MYH6: variants seen among roughly 807,000 people sequenced by gnomAD.
The protein encoded by MYH6 is myosin heavy chain 6.
Under a neutral mutation model 223.2 loss-of-function variants are expected in MYH6, and 126 were observed. The observed-to-expected ratio is 0.56, with a 90% CI of 0.49 to 0.65. MYH6 has a LOEUF of 0.65. Ranked by LOEUF, MYH6 falls within the 30% of genes least tolerant of loss-of-function variation. The pLI, the probability that MYH6 is intolerant of heterozygous loss-of-function variation, is 0.00. For synonymous variants in MYH6, 978 were observed against 1,010.2 expected (o/e 0.97, Z 0.61); for missense variants, 2,040 against 2,536.4 (o/e 0.80, Z 4.20).
At chr14:23,388,835 G>A in intron 29 of MYH6, 24 bp downstream of exon 29, 1 of 1,613,918 alleles carries the variant, frequency 6.2e-7, no homozygotes, top group Non-Finnish European at 8.5e-7. Flanking sequence ...TGAGAGTCAG[G>A]TTAAGGGGGT....
At chr14:23,388,674 T>C (rs1430304873) in intron 29 of MYH6, 185 bp downstream of exon 29, 4 of 1,013,092 alleles carry the variant, frequency 3.9e-6, no homozygotes, top group Non-Finnish European at 6.3e-6. Context: ...TCACAGGAAG[T>C]GGGTCAGGGC....
intron 15 of MYH6, among the ~76,000 whole-genome samples, chr14:23,397,961 C>G (rs547103332): frequency 8.3e-6 from 1 of 120,888 alleles, no homozygotes; most frequent in Non-Finnish European, 1.7e-5. Flanking sequence ...TCTTCTTCTT[C>G]TTCTTCTTCT....
intron 35 of MYH6, 31 bp from the exon 36 acceptor site, chr14:23,384,748 T>C: frequency 5.6e-6 from 9 of 1,614,214 alleles, no homozygotes; most frequent in Non-Finnish European, 7.6e-6. Flanking sequence ...GCAAGGAACA[T>C]GGGCCAGGGG....
chr14:23,405,242 G>A lies in MYH6; in HGVS notation c.483C>T (p.Ala161=), dbSNP rs751439551. Reference sequence around the variant, plus strand: ...GCTCACCTGTCAGCATGTACTGATAGGCGTTGTCGGAGATGGAGAAGATGT... The same window carrying A: ...GCTCACCTGTCAGCATGTACTGATAAGCGTTGTCGGAGATGGAGAAGATGT... ...PPHIFSISDN[A]YQYMLTDREN... The change falls in exon 5 of 39, where the codon GCC becomes GCT. Residue 161 remains alanine, a synonymous_variant. Coordinates refer to ENST00000405093, the MANE Select transcript of MYH6 (RefSeq NM_002471.4). The surrounding 1 kb of genome is among the most constrained non-coding windows in gnomAD (Gnocchi z 4.7). 3 of 1,614,182 alleles carry A rather than the reference G, an allele frequency of 1.9e-6. No homozygotes were observed. Among genetic ancestry groups the A allele is most frequent in the Non-Finnish European group, 2.5e-6 (3 of 1,180,048 alleles).
rs1247030438 is a variant in MYH6, at chr14:23,397,910, T to TCTCCTCCTCCTCCTCCTCCTCCTC, written c.1892-321_1892-298dup. On this transcript the variant is annotated intron_variant, in intron 15 of 38. Transcript: ENST00000405093. Reference sequence around the variant, plus strand: ...TTCTTATATCTTTCCACATTCTAGTTCTCCTCCTCCTCCTCCTCCTCCTCT... The same window carrying TCTCCTCCTCCTCCTCCTCCTCCTC: ...TTCTTATATCTTTCCACATTCTAGTTCTCCTCCTCCTCCTCCTCCTCCTCCTCCTCCTCCTCCTCCTCCTCCTCT... 3.5e-5 allele frequency among the ~76,000 whole-genome samples: 4 copies of TCTCCTCCTCCTCCTCCTCCTCCTC among 112,908 alleles called. 1 individual carries two copies. The highest frequency in any genetic ancestry group is 7.6e-5 in the African/African-American group (2 of 26,208). The allele number at this position is 112,908 out of a possible 152,430, so 74.1% of individuals were successfully genotyped here.
At chr14:23,398,699 CT>C in intron 15 of MYH6, 28 bp downstream of exon 15, 1 of 1,612,532 alleles carries the variant, frequency 6.2e-7, no homozygotes, top group Non-Finnish European at 8.5e-7. Context: ...CAGAAGTCCC[CT>C]GGCCCAGTGC....
chr14:23,404,672 C>G (rs781475637), intron 7 of MYH6, 39 bp downstream of exon 7: 2 of 1,592,548 alleles, frequency 1.3e-6, no homozygotes, highest in East Asian at 4.5e-5. Flanking sequence ...AGCCTGCCCC[C>G]CAACCCCTGT....
In MYH6 at chr14:23,403,105, G is replaced by T. The variant is rs561579469; in HGVS notation, c.898+243C>A. Among the ~76,000 whole-genome samples, 10 of 152,150 alleles carry T rather than the reference G, an allele frequency of 6.6e-5. No homozygotes were observed. The East Asian group carries it at 1.9e-3, about 30-fold the overall frequency. On this transcript the variant is annotated intron_variant, in intron 10 of 38. Coordinates refer to ENST00000405093, the MANE Select transcript of MYH6 (RefSeq NM_002471.4). ...AAAGAGGAGAAGGCAAAGACAAGCC[G>T]AGGGAGGAGTGGAGAGAAGGGTGGA...
rs752219541 is a variant in MYH6, at chr14:23,405,780, G to T, written c.202-10C>A. 6.2e-7 allele frequency: 1 copy of T among 1,614,152 alleles called. No individual in the cohort carries two copies. On this transcript the variant is annotated splice_polypyrimidine_tract_variant and intron_variant, in intron 3 of 38. Coordinates refer to ENST00000405093, the MANE Select transcript of MYH6 (RefSeq NM_002471.4). The surrounding 1 kb of genome is among the most constrained non-coding windows in gnomAD (Gnocchi z 4.7). ...CCTTCACAGTCACCGTCTGGAGGGG[G>T]CGCATAAGCAGGAGGATGAGTGACC...
At chr14:23,402,633 T>C (rs1229168050) in intron 11 of MYH6, 31 bp from the exon 12 acceptor site, 1 of 1,611,682 alleles carries the variant, frequency 6.2e-7, no homozygotes, top group East Asian at 2.2e-5. Flanking sequence ...AAGAGGGGGG[T>C]TGGAGCGGTG....
chr14:23,384,342 G>T, intron 36 of MYH6, 100 bp downstream of exon 36: 1 of 1,552,432 alleles, frequency 6.4e-7, no homozygotes, highest in South Asian at 1.1e-5. Flanking sequence ...TCTACCAACA[G>T]CATCTCAAGG....
In MYH6 at chr14:23,398,849, G is replaced by A. The variant is rs752685177; in HGVS notation, c.1770C>T (p.Asn590=). 6.2e-7 allele frequency: 1 copy of A among 1,614,236 alleles called. No individual in the cohort carries two copies. Among genetic ancestry groups the A allele is most frequent in the South Asian group, 1.1e-5 (1 of 91,088 alleles). Residue 590 remains asparagine, a synonymous_variant, in exon 15 of 39, where the codon AAC becomes AAT. Transcript: ENST00000405093. ...TGTTTTTTTCCAGCCAGCCCAGGAT[G>A]TTGTAGTCCACAGTGCCGGCGTAGT... ...LIHYAGTVDY[N]ILGWLEKNKD... is the part of the protein sequence containing the mutation.
At chr14:23,393,606 A>T in intron 22 of MYH6, 60 bp downstream of exon 22, 3 of 1,614,160 alleles carry the variant, frequency 1.9e-6, no homozygotes, top group Non-Finnish European at 2.5e-6. Flanking sequence ...GACCAGGACA[A>T]CACTCTAGTC....
At chr14:23,383,883 G>GT (rs1231744524) in intron 36 of MYH6, among the ~76,000 whole-genome samples, 1 of 152,188 alleles carries the variant, frequency 6.6e-6, no homozygotes, top group Non-Finnish European at 1.5e-5. Context: ...CTGTGGTTCT[G>GT]TATCTGTAAC....
Position 23,405,795 on chromosome 14 carries a change from G to A in MYH6, c.202-25C>T, listed in dbSNP as rs1257688646. The A allele has an allele frequency of 6.2e-7, 1 of 1,614,064 alleles. No homozygotes were observed. Among genetic ancestry groups the A allele is most frequent in the Non-Finnish European group, 8.5e-7 (1 of 1,179,978 alleles). On this transcript the variant is annotated intron_variant, in intron 3 of 38. Transcript: ENST00000405093. This position sits in a 1 kb window ranked among gnomAD's most constrained non-coding sequence, Gnocchi z 4.7. ...TCTGGAGGGGGCGCATAAGCAGGAGGATGAGTGACCACAATCCCTCCGGGA... is the reference window on the plus strand; with the variant it reads ...TCTGGAGGGGGCGCATAAGCAGGAGAATGAGTGACCACAATCCCTCCGGGA...
rs1419664066 is a variant in MYH6, at chr14:23,385,981, C to T, written c.5110G>A (p.Ala1704Thr). The T allele has an allele frequency of 6.2e-7, 1 of 1,614,234 alleles. No homozygotes were observed. Among genetic ancestry groups the T allele is most frequent in the Admixed American group, 1.7e-5 (1 of 60,030 alleles). The part of the protein sequence containing the change: ...VEQTERSRKL[A>T]EQELIETSER... ...CTGGTCTCAATCAGCTCCTGCTCCG[C>T]CAGCTTCCGGGACCGCTCTGTCTGC... Residue 1704 changes from alanine (A) to threonine (T), a missense_variant, in exon 34 of 39, where the codon GCG (alanine) becomes ACG (threonine). Transcript: ENST00000405093.
chr14:23,382,835 C>T (rs968319847), intron 37 of MYH6, among the ~76,000 whole-genome samples: 1 of 152,214 alleles, frequency 6.6e-6, no homozygotes, highest in African/African-American at 2.4e-5. Context: ...GCACCTGTCC[C>T]GGACCCCAGC....
In MYH6 at chr14:23,400,766, C is replaced by T. The variant is rs1380690189; in HGVS notation, c.1353G>A (p.Lys451=). The change falls in exon 13 of 39, where the codon AAG becomes AAA. Residue 451 remains lysine (K), a synonymous_variant. Transcript: ENST00000405093. The stretch of plus-strand genomic sequence containing the variant: ...CTCCTATGAAGTACTGGCGTGGCTG[C>T]TTGGTCTCCAGGGTGGCGTTGATGC... ...VTRINATLET[K]QPRQYFIGVL... The T allele has an allele frequency of 4.3e-6, 7 of 1,614,240 alleles. No homozygotes were observed. Among genetic ancestry groups the T allele is most frequent in the Non-Finnish European group, 5.9e-6 (7 of 1,180,040 alleles).
In MYH6 at chr14:23,402,518, T is replaced by A. The variant is rs202196487; in HGVS notation, c.1087A>T (p.Met363Leu). ...LTGAIMHYGN[M>L]KFKQKQREEQ... is the part of the protein sequence containing the mutation. ...TCCCGCTGCTTCTGCTTGAACTTCA[T>A]GTTCCCGTAGTGCATGATGGCTCCC... Residue 363 changes from methionine (M) to leucine (L), a missense_variant, in exon 12 of 39, where the codon ATG (methionine) becomes TTG (leucine). By Grantham distance (15) the Met-to-Leu change is conservative. Around this residue, in one of 4 missense-constraint regions of MYH6, gnomAD observed 649 missense variants for 877.3 expected, o/e 0.74. Coordinates refer to ENST00000405093, the MANE Select transcript of MYH6 (RefSeq NM_002471.4). 4.5e-5 allele frequency: 73 copies of A among 1,613,764 alleles called. No homozygotes were observed. The East Asian group carries it at 1.6e-3, about 35-fold the overall frequency.
Sources: gnomAD v4.1 joint callset for allele counts (sites outside exome capture counted in the v4.1 genomes callset) on GRCh38, gnomAD v4.1.1 for gene constraint, gnomAD v4.1.1 regional missense constraint, Gnocchi (gnomAD v3.1) non-coding constraint, MANE v1.5 for transcripts, NCBI Gene and HGNC (gene_info 2026-07-23, HGNC 2026-07-21) for gene names.